Variants in RNF220 observed in about 807,000 individuals in gnomAD.
RNF220 encodes the protein E3 ubiquitin-protein ligase RNF220.
Under a neutral mutation model 67.1 loss-of-function variants are expected in RNF220, and 7 were observed. That is an observed-to-expected ratio of 0.10 (90% confidence interval 0.06 to 0.20). RNF220 has a LOEUF of 0.20. RNF220 is among the 10% of genes least tolerant of loss of function. RNF220 has a pLI of 1.00. For synonymous variants in RNF220, 270 were observed against 283.2 expected, an observed-to-expected ratio of 0.95 and a Z score of 0.47; for missense variants, 565 against 740.3, an observed-to-expected ratio of 0.76 and a Z score of 2.75.
chr1:44,561,867 T>C (rs1346428152), intron 2 of RNF220, among the ~76,000 whole-genome samples: 1 of 151,958 alleles, frequency 6.6e-6, no homozygotes, highest in Non-Finnish European at 1.5e-5. Flanking sequence ...CTGTGAGCAG[T>C]GTTCACGCCT....
At chr1:44,523,591 A>G (rs1660107942) in intron 2 of RNF220, among the ~76,000 whole-genome samples, 1 of 152,158 alleles carries the variant, frequency 6.6e-6, no homozygotes, top group Non-Finnish European at 1.5e-5. Context: ...TCTCTTTACA[A>G]AATGAGGCTA....
At chr1:44,581,545 T>G (rs1303653652) in intron 2 of RNF220, among the ~76,000 whole-genome samples, 2 of 152,230 alleles carry the variant, frequency 1.3e-5, no homozygotes, top group Non-Finnish European at 2.9e-5. Context: ...CTTTCAGGTC[T>G]GGAGTGCATG....
intron 2 of RNF220, among the ~76,000 whole-genome samples, chr1:44,488,076 T>C (rs910949331): frequency 6.6e-6 from 1 of 150,384 alleles, no homozygotes; most frequent in Admixed American, 6.6e-5. Context: ...GCTCAGGTGA[T>C]CCTTCTGCCT....
intron 2 of RNF220, among the ~76,000 whole-genome samples, chr1:44,533,003 G>T (rs997741692): frequency 2.0e-5 from 3 of 152,156 alleles, no homozygotes; most frequent in Non-Finnish European, 4.4e-5. Context: ...GTCCCTGCTT[G>T]CACCTTTAAA....
At chr1:44,602,102 G>A (rs746328573) in intron 2 of RNF220, among the ~76,000 whole-genome samples, 12 of 151,980 alleles carry the variant, frequency 7.9e-5, no homozygotes, top group Admixed American at 3.9e-4. Context: ...GTTCCGTCAC[G>A]GGTTCTACTT....
chr1:44,520,815 G>A (rs1659876898), intron 2 of RNF220, among the ~76,000 whole-genome samples: 1 of 152,180 alleles, frequency 6.6e-6, no homozygotes, highest in Non-Finnish European at 1.5e-5. Flanking sequence ...ATCAGGTATT[G>A]TTCATGGCAA....
intron 2 of RNF220, among the ~76,000 whole-genome samples, chr1:44,459,862 C>G (rs1653588467): frequency 1.3e-5 from 2 of 152,310 alleles, no homozygotes; most frequent in East Asian, 3.9e-4. Context: ...AGTAGGTTCT[C>G]AATGCATACT....
intron 2 of RNF220, among the ~76,000 whole-genome samples, chr1:44,591,060 C>T (rs1666081640): frequency 6.6e-6 from 1 of 152,200 alleles, no homozygotes; most frequent in Non-Finnish European, 1.5e-5. Flanking sequence ...CTCCTAGGTT[C>T]AAGCGATTCT....
At chr1:44,415,341 T>G (rs1002163752) in intron 2 of RNF220, among the ~76,000 whole-genome samples, 4 of 151,812 alleles carry the variant, frequency 2.6e-5, no homozygotes, top group African/African-American at 9.7e-5. Flanking sequence ...AGTGACAGTA[T>G]ACAAGACTGC....
chr1:44,501,582 G>A, intron 2 of RNF220, among the ~76,000 whole-genome samples: 1 of 144,834 alleles, frequency 6.9e-6, no homozygotes, highest in East Asian at 1.9e-4. Context: ...GGAAAGCAAT[G>A]CGGCCAAGCA....
At chr1:44,508,409 C>T (rs1277327794) in intron 2 of RNF220, among the ~76,000 whole-genome samples, 2 of 151,936 alleles carry the variant, frequency 1.3e-5, no homozygotes, top group Non-Finnish European at 2.9e-5. Context: ...TCTTTTTCAC[C>T]TCTCCCTCAA....
At chr1:44,575,733 C>G (rs1024636015) in intron 2 of RNF220, among the ~76,000 whole-genome samples, 1 of 152,168 alleles carries the variant, frequency 6.6e-6, no homozygotes, top group African/African-American at 2.4e-5. Flanking sequence ...TTATGGAAAA[C>G]GATATGGAGA....
At chr1:44,429,873 C>A (rs1290642340) in intron 2 of RNF220, among the ~76,000 whole-genome samples, 2 of 151,906 alleles carry the variant, frequency 1.3e-5, no homozygotes, top group Admixed American at 1.3e-4. Context: ...AAGAATTTAT[C>A]CTGCATATAT....
intron 8 of RNF220, chr1:44,636,498 C>G (rs748641566): frequency 1.4e-6 from 1 of 715,744 alleles, no homozygotes; most frequent in Non-Finnish European, 2.6e-6. Context: ...ATTTATCACT[C>G]CATCCCTCTT....
intron 5 of RNF220, among the ~76,000 whole-genome samples, chr1:44,630,949 G>A (rs1283526047): frequency 6.6e-6 from 1 of 152,276 alleles, no homozygotes; most frequent in Non-Finnish European, 1.5e-5. Flanking sequence ...CACATTGTGT[G>A]TAGTGTGGAG....
At chr1:44,638,027 G>A (rs1368381772) in intron 8 of RNF220, among the ~76,000 whole-genome samples, 1 of 152,256 alleles carries the variant, frequency 6.6e-6, no homozygotes, top group Non-Finnish European at 1.5e-5. Context: ...TGGAGCGGAG[G>A]AGGCTGAGGC....
chr1:44,437,550 A>C (rs1255170144), intron 2 of RNF220, among the ~76,000 whole-genome samples: 1 of 152,118 alleles, frequency 6.6e-6, no homozygotes, highest in Non-Finnish European at 1.5e-5. Context: ...TACCATGGTG[A>C]CTTGGGCTGT....
intron 2 of RNF220, among the ~76,000 whole-genome samples, chr1:44,427,154 C>T (rs888453069): frequency 5.3e-5 from 8 of 152,088 alleles, no homozygotes; most frequent in Admixed American, 1.3e-4. Flanking sequence ...AACTGATGCA[C>T]AGTGTTTAAG....
intron 2 of RNF220, among the ~76,000 whole-genome samples, chr1:44,426,720 C>A (rs1179757775): frequency 6.1e-5 from 8 of 130,482 alleles, no homozygotes; most frequent in African/African-American, 2.1e-4. Context: ...CAGCAAGACT[C>A]TGTCTCAAAA....
Sources: gnomAD v4.1 joint callset for allele counts (sites outside exome capture counted in the v4.1 genomes callset) on GRCh38, gnomAD v4.1.1 for gene constraint, MANE v1.5 for transcripts, NCBI Gene and HGNC (gene_info 2026-07-23, HGNC 2026-07-21) for gene names.